The following CCDC178 variants were observed in gnomAD, a reference collection of about 807,000 sequenced individuals.
The protein encoded by CCDC178 is coiled-coil domain-containing protein 178.
In CCDC178, 126 loss-of-function variants were observed where a neutral mutation model predicts 117.4. That is an observed-to-expected ratio of 1.07 (90% CI 0.93 to 1.24). CCDC178 has a LOEUF of 1.24. CCDC178 is among the 50% of genes most tolerant of loss of function. The pLI, the probability that CCDC178 is intolerant of heterozygous loss-of-function variation, is 0.00. For synonymous variants in CCDC178, 283 were observed against 313.4 expected (o/e 0.90, Z 1.02); for missense variants, 1,030 against 986.9 (o/e 1.04, Z -0.59).
chr18:33,264,050 G>T lies in CCDC178; in HGVS notation c.1409+2866C>A, dbSNP rs548902728. On this transcript the variant is annotated intron_variant, in intron 14 of 22. Transcript: ENST00000383096. ...TTATAACTATTCACACTGTTTAAGA[G>T]ATAAAAGATAAGCTTTAAATATCTG... Among the ~76,000 whole-genome samples, 19 of 152,058 alleles carry T rather than the reference G, an allele frequency of 1.2e-4. No individual in the cohort carries two copies. The South Asian group carries it at 3.7e-3, about 30-fold the overall frequency.
At chr18:33,223,399 T>C (rs2059262829) in intron 17 of CCDC178, among the ~76,000 whole-genome samples, 180 bp from the exon 18 acceptor site, 1 of 152,158 alleles carries the variant, frequency 6.6e-6, no homozygotes, top group South Asian at 2.1e-4. Flanking sequence ...TTCAATATTC[T>C]ATTTGCACTA....
At chr18:33,388,160 T>C (rs890363075) in intron 5 of CCDC178, among the ~76,000 whole-genome samples, 2 of 152,120 alleles carry the variant, frequency 1.3e-5, no homozygotes, top group Non-Finnish European at 2.9e-5. Flanking sequence ...AAAACTACAA[T>C]GAGATACCAT....
intron 20 of CCDC178, among the ~76,000 whole-genome samples, chr18:33,163,417 T>C (rs551005667): frequency 6.6e-6 from 1 of 152,282 alleles, no homozygotes; most frequent in East Asian, 1.9e-4. Context: ...TTACTATTTC[T>C]AAAGCAACAA....
At chr18:33,023,357 A>G (rs1431945357) in intron 21 of CCDC178, among the ~76,000 whole-genome samples, 1 of 152,206 alleles carries the variant, frequency 6.6e-6, no homozygotes, top group Admixed American at 6.5e-5. Context: ...TAACAAATAT[A>G]AAAGAATTGA....
chr18:33,214,302 A>G (rs769163706), intron 19 of CCDC178, among the ~76,000 whole-genome samples: 4 of 152,090 alleles, frequency 2.6e-5, no homozygotes, highest in Non-Finnish European at 4.4e-5. Context: ...GACATTATAT[A>G]CCATCACTGC....
At chr18:33,164,188 A>C (rs528785788) in intron 20 of CCDC178, among the ~76,000 whole-genome samples, 37 of 142,714 alleles carry the variant, frequency 2.6e-4, no homozygotes, top group Non-Finnish European at 5.3e-4. Context: ...GCTCACCACA[A>C]CCTCCACCTC....
At chr18:33,129,456 C>T (rs1207752279) in intron 20 of CCDC178, among the ~76,000 whole-genome samples, 2 of 151,814 alleles carry the variant, frequency 1.3e-5, no homozygotes, top group Non-Finnish European at 2.9e-5. Context: ...CAAATCATGG[C>T]AATTTTATGC....
At chr18:32,982,968 T>C (rs2055182356) in intron 21 of CCDC178, among the ~76,000 whole-genome samples, 1 of 152,014 alleles carries the variant, frequency 6.6e-6, no homozygotes. Context: ...CTTGGAGTGA[T>C]GATGATGTGT....
chr18:33,381,917 G>A (rs1380467299), intron 5 of CCDC178, among the ~76,000 whole-genome samples: 2 of 151,448 alleles, frequency 1.3e-5, no homozygotes, highest in Non-Finnish European at 2.9e-5. Flanking sequence ...CTTTTTGTGA[G>A]GGTTGTTTCT....
chr18:33,107,956 T>C (rs768453547), intron 20 of CCDC178, among the ~76,000 whole-genome samples: 12 of 151,712 alleles, frequency 7.9e-5, no homozygotes, highest in Admixed American at 2.6e-4. Context: ...TAAAATTTTT[T>C]GAGATCTTGG....
chr18:33,386,012 G>C lies in CCDC178; in HGVS notation c.208+3528C>G, dbSNP rs116947524. ...AAATAAACAATCAGAAACGATAAGG[G>C]GGATACCACCACTGACCCCACAGAA... On this transcript the variant is annotated intron_variant, in intron 5 of 22. Transcript: ENST00000383096. Among the ~76,000 whole-genome samples the C allele has an allele frequency of 9.2e-3, 1,397 of 152,022 alleles. 13 individuals are homozygous for C. The highest frequency in any genetic ancestry group is 0.017 in the African/African-American group (713 of 41,432).
At chr18:33,068,849 G>A (rs1176033722) in intron 21 of CCDC178, among the ~76,000 whole-genome samples, 1 of 151,974 alleles carries the variant, frequency 6.6e-6, no homozygotes, top group Non-Finnish European at 1.5e-5. Flanking sequence ...TAAATAAAAG[G>A]CATCCAAATT....
chr18:33,009,361 TA>T (rs1358112378), intron 21 of CCDC178, among the ~76,000 whole-genome samples: 1 of 152,144 alleles, frequency 6.6e-6, no homozygotes, highest in African/African-American at 2.4e-5. Flanking sequence ...CAATGGTCTT[TA>T]GGTCTCTAAA....
intron 20 of CCDC178, among the ~76,000 whole-genome samples, chr18:33,202,327 G>A (rs1333415711): frequency 6.7e-6 from 1 of 150,018 alleles, no homozygotes; most frequent in Non-Finnish European, 1.5e-5. Context: ...GGTGGGGCGG[G>A]GGTTGCAGTG....
chr18:33,308,983 A>C (rs978146228), intron 11 of CCDC178, among the ~76,000 whole-genome samples: 1 of 152,250 alleles, frequency 6.6e-6, no homozygotes, highest in African/African-American at 2.4e-5. Context: ...GGATTAATAC[A>C]GTAAGCTTTG....
At chr18:33,389,305 A>C (rs969207516) in intron 5 of CCDC178, among the ~76,000 whole-genome samples, 5 of 152,082 alleles carry the variant, frequency 3.3e-5, no homozygotes, top group Non-Finnish European at 7.4e-5. Context: ...TTATTTCAAA[A>C]TTCATACATT....
rs781290469 is a variant in CCDC178 at position 33,215,623 on chromosome 18, T to C, written c.2005A>G (p.Asn669Asp). 6.5e-7 allele frequency: 1 copy of C among 1,532,554 alleles called. No individual in the cohort carries two copies. The highest frequency in any genetic ancestry group is 8.7e-7 in the Non-Finnish European group (1 of 1,144,238). The allele number at this position is 1,532,554 out of a possible 1,614,324, so 94.9% of individuals were successfully genotyped here. ...SKTMIFYAKINELNEELKAKE... is the reference protein window; with the variant it reads ...SKTMIFYAKIDELNEELKAKE... ...GCTTTTAATTCCTCATTCAATTCAT[T>C]TATTTTTGCATAAAAAATCATTGTC... Residue 669 changes from asparagine to aspartate, a missense_variant, in exon 19 of 23, where the codon AAT (asparagine) becomes GAT (aspartate). Coordinates refer to ENST00000383096, the MANE Select transcript of CCDC178 (RefSeq NM_001105528.4).
intron 22 of CCDC178, among the ~76,000 whole-genome samples, chr18:32,950,037 G>C (rs940426195): frequency 6.6e-6 from 1 of 152,062 alleles, no homozygotes; most frequent in Non-Finnish European, 1.5e-5. Flanking sequence ...CATTCTCTTA[G>C]ATACAAACAT....
intron 18 of CCDC178, among the ~76,000 whole-genome samples, chr18:33,219,396 T>C (rs2059204788): frequency 6.6e-6 from 1 of 152,106 alleles, no homozygotes; most frequent in African/African-American, 2.4e-5. Flanking sequence ...GAACTAGAAA[T>C]ACCATTTGAC....
Sources: allele counts gnomAD v4.1 joint callset (sites outside exome capture counted in the v4.1 genomes callset), GRCh38; gene constraint gnomAD v4.1.1; transcripts MANE v1.5; gene names NCBI Gene and HGNC (gene_info 2026-07-23, HGNC 2026-07-21).